The following DSCAM variants were observed in gnomAD, a reference collection of about 807,000 sequenced individuals.
The protein encoded by DSCAM is DS cell adhesion molecule.
A neutral mutation model predicts 217.7 loss-of-function variants in DSCAM; 47 were observed. The observed-to-expected ratio is 0.22, with a 90% CI of 0.17 to 0.28. The LOEUF (loss-of-function observed/expected upper bound fraction) is 0.28. Ranked by LOEUF, DSCAM falls within the 10% of genes least tolerant of loss-of-function variation. The pLI, the probability that DSCAM is intolerant of heterozygous loss-of-function variation, is 1.00. For missense variants in DSCAM, 2,080 were observed against 2,618.3 expected, an observed-to-expected ratio of 0.79 and a Z score of 4.49; for synonymous variants, 1,056 against 1,015.3, an observed-to-expected ratio of 1.04 and a Z score of -0.76.
rs41343645 is a variant in DSCAM at position 40,236,809 on chromosome 21, G to A, written c.2356+39288C>T. 5.8e-3 allele frequency among the ~76,000 whole-genome samples: 886 copies of A among 152,254 alleles called. 10 individuals are homozygous for A. The highest frequency in any genetic ancestry group is 0.02 in the African/African-American group (846 of 41,538). On this transcript the variant is annotated intron_variant, in intron 11 of 32. Transcript: ENST00000400454. ...TCTACCTAATTACACTCAGATAACC[G>A]AAACAAAGATGTTTCATCTTACTAG...
intron 27 of DSCAM, among the ~76,000 whole-genome samples, chr21:40,072,248 A>G (rs1339092974): frequency 6.6e-6 from 1 of 152,202 alleles, no homozygotes; most frequent in Non-Finnish European, 1.5e-5. Context: ...GGTTTGTCAA[A>G]CTGAATTTAT....
rs2090657789 is a variant in DSCAM at position 40,701,663 on chromosome 21, A to G, written c.361+6791T>C. On this transcript the variant is annotated intron_variant, in intron 2 of 32. Coordinates refer to ENST00000400454, the MANE Select transcript of DSCAM (RefSeq NM_001389.5). ...AAAACTTTCTAATTTCCTTCTTCAA[A>G]TTTTTTTCTGAATTTTTTTTTTTGA... Among the ~76,000 whole-genome samples the G allele has an allele frequency of 2.1e-5, 3 of 145,658 alleles. No individual in the cohort carries two copies. In the South Asian group the frequency reaches 6.4e-4, roughly 31 times the overall value.
At chr21:40,278,184 C>T (rs2073714050) in intron 10 of DSCAM, among the ~76,000 whole-genome samples, 2 of 152,102 alleles carry the variant, frequency 1.3e-5, no homozygotes, top group South Asian at 4.2e-4. Flanking sequence ...TGTGCAAGAC[C>T]AGCCCACTGA....
chr21:40,506,250 C>G (rs558703676), intron 3 of DSCAM, among the ~76,000 whole-genome samples: 2 of 152,250 alleles, frequency 1.3e-5, no homozygotes, highest in East Asian at 3.9e-4. Context: ...GACACTCATC[C>G]CACCTGATTT....
At chr21:40,654,766 G>A (rs940833970) in intron 3 of DSCAM, among the ~76,000 whole-genome samples, 2 of 152,040 alleles carry the variant, frequency 1.3e-5, no homozygotes, top group African/African-American at 4.8e-5. Context: ...AATGACCCTT[G>A]AACAACACCG....
chr21:40,787,454 A>C (rs1417855316), intron 1 of DSCAM, among the ~76,000 whole-genome samples: 1 of 152,174 alleles, frequency 6.6e-6, no homozygotes, highest in African/African-American at 2.4e-5. Context: ...CCCTGACTTA[A>C]TGTCTCACCC....
chr21:40,199,603 A>G (rs1302545930), intron 11 of DSCAM, among the ~76,000 whole-genome samples: 1 of 152,174 alleles, frequency 6.6e-6, no homozygotes, highest in Non-Finnish European at 1.5e-5. Flanking sequence ...GAACTAATTT[A>G]CACTCCCACC....
intron 3 of DSCAM, among the ~76,000 whole-genome samples, chr21:40,602,560 T>A (rs949311469): frequency 6.6e-6 from 1 of 152,210 alleles, no homozygotes; most frequent in Admixed American, 6.5e-5. Context: ...ATAGTCTGTG[T>A]CCTTCAAGAA....
chr21:40,325,197 A>T (rs749651229), intron 8 of DSCAM, among the ~76,000 whole-genome samples: 1 of 152,202 alleles, frequency 6.6e-6, no homozygotes, highest in Non-Finnish European at 1.5e-5. Flanking sequence ...AGACAAGGGT[A>T]TAAAAAGGTA....
chr21:40,605,923 C>G (rs1011635810), intron 3 of DSCAM, among the ~76,000 whole-genome samples: 1 of 150,952 alleles, frequency 6.6e-6, no homozygotes, highest in African/African-American at 2.4e-5. Context: ...GCCTCAGCCT[C>G]CCGAGTAGCT....
At chr21:40,059,947 T>C (rs2249498) in intron 28 of DSCAM, among the ~76,000 whole-genome samples, 68,040 of 152,088 alleles carry the variant, frequency 0.45, 15,307 homozygotes, top group East Asian at 0.54. Flanking sequence ...TATGGTTGAT[T>C]CTAAATTGAC....
At position 40,297,059 on chromosome 21, in the gene DSCAM, G is replaced by A. The variant is rs139270592; in HGVS notation, c.2063-885C>T. Among the ~76,000 whole-genome samples, 1,098 of 152,160 alleles carry A rather than the reference G, an allele frequency of 7.2e-3. 9 individuals carry two copies. The highest frequency in any genetic ancestry group is 0.025 in the African/African-American group (1,034 of 41,516). On this transcript the variant is annotated intron_variant, in intron 9 of 32. Transcript: ENST00000400454. The stretch of plus-strand genomic sequence containing the variant: ...AAATTCTGGTGAGAACACATAGTCC[G>A]TTATGCCAGATGTCAGCACCACGGT...
At chr21:40,617,269 G>A (rs538119075) in intron 3 of DSCAM, among the ~76,000 whole-genome samples, 31 of 150,826 alleles carry the variant, frequency 2.1e-4, no homozygotes, top group South Asian at 1.5e-3. Context: ...GACTACAGGC[G>A]CCCGCCACCA....
chr21:40,457,320 T>G (rs1473832179), intron 3 of DSCAM, among the ~76,000 whole-genome samples: 2 of 152,066 alleles, frequency 1.3e-5, no homozygotes, highest in East Asian at 3.9e-4. Context: ...GAGACCAGCC[T>G]GGGCAGTATG....
chr21:40,243,722 C>G (rs1356398924), intron 11 of DSCAM, among the ~76,000 whole-genome samples: 1 of 152,148 alleles, frequency 6.6e-6, no homozygotes, highest in Non-Finnish European at 1.5e-5. Flanking sequence ...TCAGAGAATG[C>G]CCAGGTGTGA....
At chr21:40,232,732 C>A (rs2091392975) in intron 11 of DSCAM, among the ~76,000 whole-genome samples, 2 of 152,190 alleles carry the variant, frequency 1.3e-5, no homozygotes, top group African/African-American at 4.8e-5. Context: ...TAGTATTTAT[C>A]ATATTTGTAA....
At chr21:40,532,914 A>G (rs568222739) in intron 3 of DSCAM, among the ~76,000 whole-genome samples, 19,150 of 150,960 alleles carry the variant, frequency 0.13, 2,303 homozygotes, top group African/African-American at 0.3. Context: ...GTGTGTGCAC[A>G]CGCACGCGCA....
chr21:40,236,355 T>C (rs57133858), intron 11 of DSCAM, among the ~76,000 whole-genome samples: 5,019 of 152,232 alleles, frequency 0.033, 280 homozygotes, highest in African/African-American at 0.11. Flanking sequence ...GCTCACCGTG[T>C]TGTAAGGTCA....
chr21:40,547,734 G>A (rs972171806), intron 3 of DSCAM, among the ~76,000 whole-genome samples: 2 of 152,120 alleles, frequency 1.3e-5, no homozygotes, highest in African/African-American at 4.8e-5. Flanking sequence ...GAAACAAGAT[G>A]TCTGGACACT....
Sources: allele counts gnomAD v4.1 joint callset (sites outside exome capture counted in the v4.1 genomes callset), GRCh38; gene constraint gnomAD v4.1.1; transcripts MANE v1.5; gene names NCBI Gene and HGNC (gene_info 2026-07-23, HGNC 2026-07-21).